ENOX1: variants seen among roughly 807,000 people sequenced by gnomAD.
ENOX1 encodes candidate growth-related and time keeping constitutive hydroquinone (NADH) oxidase.
ENOX1 carries 42 observed loss-of-function variants against 82.5 expected under a neutral mutation model. The ratio of observed to expected loss-of-function variants is 0.51; its 90% CI spans 0.40 to 0.66. The LOEUF (loss-of-function observed/expected upper bound fraction) is 0.66, where lower values mean the gene tolerates loss of function less well. Among genes scored for constraint, ENOX1 ranks in the 30% least tolerant of loss-of-function variants. The pLI, the probability that ENOX1 is intolerant of heterozygous loss-of-function variation, is 0.00. For synonymous variants in ENOX1, 271 were observed against 282.2 expected (o/e 0.96, Z 0.40); for missense variants, 608 against 811.6 (o/e 0.75, Z 3.05).
At chr13:43,282,514 T>C (rs1035261001) in intron 12 of ENOX1, among the ~76,000 whole-genome samples, 15 of 151,484 alleles carry the variant, frequency 9.9e-5, no homozygotes, top group African/African-American at 3.6e-4. Context: ...GTGGCTCGAC[T>C]GCAGCCTCGA....
intron 2 of ENOX1, among the ~76,000 whole-genome samples, chr13:43,497,319 A>T (rs1035252240): frequency 3.9e-5 from 6 of 152,146 alleles, no homozygotes; most frequent in African/African-American, 1.4e-4. Flanking sequence ...AACTGGTGAG[A>T]GTGAACACCC....
chr13:43,217,227 C>T (rs1490438250), intron 16 of ENOX1, among the ~76,000 whole-genome samples: 1 of 152,172 alleles, frequency 6.6e-6, no homozygotes, highest in Non-Finnish European at 1.5e-5. Context: ...CATCTGTGTA[C>T]AGGAGGGCAG....
chr13:43,501,803 A>G (rs571741478), intron 2 of ENOX1, among the ~76,000 whole-genome samples: 14 of 151,090 alleles, frequency 9.3e-5, no homozygotes, highest in African/African-American at 3.1e-4. Context: ...AAAAAAAAAA[A>G]AGCTAAATGA....
intron 15 of ENOX1, among the ~76,000 whole-genome samples, chr13:43,234,736 T>G (rs959363443): frequency 1.3e-5 from 2 of 152,234 alleles, no homozygotes; most frequent in African/African-American, 4.8e-5. Context: ...AAATGTAATC[T>G]TCCTACCTAC....
chr13:43,315,932 A>G (rs187478618), intron 11 of ENOX1, among the ~76,000 whole-genome samples: 11 of 152,308 alleles, frequency 7.2e-5, no homozygotes, highest in Admixed American at 2.6e-4. Context: ...GGCAGTCAAT[A>G]AGCATCAGGG....
chr13:43,242,865 G>C (rs533336694), intron 14 of ENOX1, among the ~76,000 whole-genome samples: 1 of 152,342 alleles, frequency 6.6e-6, no homozygotes, highest in Admixed American at 6.5e-5. Flanking sequence ...GCCGGGTGCA[G>C]TGGCTCAAGC....
chr13:43,699,406 G>A (rs987588589), intron 1 of ENOX1, among the ~76,000 whole-genome samples: 1 of 152,150 alleles, frequency 6.6e-6, no homozygotes, highest in African/African-American at 2.4e-5. Context: ...GATTGCTAGA[G>A]GGCAGATATG....
At chr13:43,459,041 G>C (rs1383706102) in intron 3 of ENOX1, 1 of 152,160 alleles carries the variant, frequency 6.6e-6, no homozygotes, top group Non-Finnish European at 1.5e-5. Flanking sequence ...TTTTAAGGAA[G>C]AAAAGAACAA....
At chr13:43,315,373 T>A (rs2047420343) in intron 11 of ENOX1, among the ~76,000 whole-genome samples, 1 of 152,194 alleles carries the variant, frequency 6.6e-6, no homozygotes, top group South Asian at 2.1e-4. Context: ...TAAAGGGTAA[T>A]CCGTTTTTCA....
intron 2 of ENOX1, among the ~76,000 whole-genome samples, chr13:43,647,992 G>A (rs1366072041): frequency 6.6e-6 from 1 of 152,174 alleles, no homozygotes; most frequent in Non-Finnish European, 1.5e-5. Context: ...AATGGAAAAG[G>A]CAAGAGCATG....
At chr13:43,471,108 A>G (rs2058047921) in intron 3 of ENOX1, among the ~76,000 whole-genome samples, 1 of 152,206 alleles carries the variant, frequency 6.6e-6, no homozygotes, top group Non-Finnish European at 1.5e-5. Context: ...GGAAGAATGG[A>G]TAAACAAATT....
chr13:43,375,670 G>A (rs1397498361), intron 5 of ENOX1, among the ~76,000 whole-genome samples: 1 of 152,176 alleles, frequency 6.6e-6, no homozygotes, highest in Non-Finnish European at 1.5e-5. Context: ...CTTCCTCAGT[G>A]AAAGTATCTA....
At chr13:43,531,008 A>G (rs995752180) in intron 2 of ENOX1, among the ~76,000 whole-genome samples, 2 of 151,974 alleles carry the variant, frequency 1.3e-5, no homozygotes, top group African/African-American at 4.8e-5. Flanking sequence ...ATAAGTGGGA[A>G]AACAAATTGT....
rs2041290346 is a variant in ENOX1, at chr13:43,213,538, CTTTT to C, written c.*448_*451del. ...TTTTCTTTTTTCTTTTTTTCTTTTT[CTTTT>C]TCTTTTTTTTTTTTTTTTTTTTTTT... On this transcript the variant is annotated 3_prime_UTR_variant, in exon 17 of 17. Transcript: ENST00000690772. 4 of 97,872 alleles carry C rather than the reference CTTTT, an allele frequency of 4.1e-5. No homozygotes were observed. The highest frequency in any genetic ancestry group is 1.5e-4 in the African/African-American group (4 of 27,190). The allele number at this position is 97,872 out of a possible 1,614,324, so 6.1% of individuals were successfully genotyped here.
At chr13:43,724,706 G>C (rs1028603026) in intron 1 of ENOX1, among the ~76,000 whole-genome samples, 1 of 152,184 alleles carries the variant, frequency 6.6e-6, no homozygotes, top group Non-Finnish European at 1.5e-5. Context: ...TGAACTTAAA[G>C]AGTCTGGATT....
rs73479903 is a variant in ENOX1 at position 43,637,166 on chromosome 13, T to C, written c.-219+30313A>G. On this transcript the variant is annotated intron_variant, in intron 2 of 16. Coordinates refer to ENST00000690772, the MANE Select transcript of ENOX1 (RefSeq NM_001347969.2). ...ATGGTTCTGACTGGGAGTGCTGCTA[T>C]GAAAAGCCCAGCGTGTTCAGCCCAG... Among the ~76,000 whole-genome samples, 320 of 152,304 alleles carry C rather than the reference T, an allele frequency of 2.1e-3. 3 individuals carry two copies. Among genetic ancestry groups the C allele is most frequent in the African/African-American group, 7.2e-3 (298 of 41,572 alleles).
intron 2 of ENOX1, among the ~76,000 whole-genome samples, chr13:43,523,376 T>C (rs889654357): frequency 9.2e-5 from 14 of 152,208 alleles, no homozygotes; most frequent in Admixed American, 9.2e-4. Context: ...ATTATGCAGA[T>C]AAAATTCCTT....
At chr13:43,227,895 C>T (rs759452482) in intron 15 of ENOX1, among the ~76,000 whole-genome samples, 4 of 151,954 alleles carry the variant, frequency 2.6e-5, no homozygotes, top group Admixed American at 6.6e-5. Flanking sequence ...GAGACACAGC[C>T]GAAAGGAAAG....
At chr13:43,413,683 T>TCA (rs2054271813) in intron 3 of ENOX1, among the ~76,000 whole-genome samples, 1 of 142,610 alleles carries the variant, frequency 7.0e-6, no homozygotes, top group Non-Finnish European at 1.6e-5. Context: ...ATTGCCCAGC[T>TCA]TATATATATA....
Sources: allele counts gnomAD v4.1 joint callset (sites outside exome capture counted in the v4.1 genomes callset), GRCh38; gene constraint gnomAD v4.1.1; transcripts MANE v1.5; gene names NCBI Gene and HGNC (gene_info 2026-07-23, HGNC 2026-07-21).